SMCO2: variants seen among roughly 807,000 people sequenced by gnomAD.
SMCO2 encodes single-pass membrane protein with coiled-coil domains 2, also known as single-pass membrane and coiled-coil domain-containing protein 2.
Under a neutral mutation model 29.5 loss-of-function variants are expected in SMCO2, and 25 were observed. The observed-to-expected ratio is 0.85, with a 90% confidence interval of 0.62 to 1.18. SMCO2 has a LOEUF of 1.18. Among genes scored for constraint, SMCO2 ranks in the 50% most tolerant of loss-of-function variants. SMCO2 has a pLI of 0.00. For synonymous variants in SMCO2, 117 were observed against 123.3 expected (o/e 0.95, Z 0.34); for missense variants, 348 against 344.5 (o/e 1.01, Z -0.08).
At chr12:27,454,753 G>T in the SMCO2 span, among the ~76,000 whole-genome samples, 1 of 152,138 alleles carries the variant, frequency 6.6e-6, no homozygotes, top group East Asian at 1.9e-4. Context: ...GGGCCCCAGT[G>T]TGTGATGTTC....
the SMCO2 span, among the ~76,000 whole-genome samples, chr12:27,444,973 T>A: frequency 6.6e-6 from 1 of 152,144 alleles, no homozygotes; most frequent in Non-Finnish European, 1.5e-5. Flanking sequence ...AAAGAAAATG[T>A]GATATATATA....
the SMCO2 span, among the ~76,000 whole-genome samples, chr12:27,460,603 C>T: frequency 6.6e-6 from 1 of 151,982 alleles, no homozygotes; most frequent in Non-Finnish European, 1.5e-5. Flanking sequence ...GGGGGTTGGT[C>T]TTGCTGTCTC....
At chr12:27,478,129 G>C (rs1389338427) in intron 4 of SMCO2, among the ~76,000 whole-genome samples, 2 of 152,118 alleles carry the variant, frequency 1.3e-5, no homozygotes, top group Non-Finnish European at 2.9e-5. Flanking sequence ...TTTGATTATT[G>C]GTGGGTGGGC....
chr12:27,488,795 A>C (rs1013582914), intron 5 of SMCO2, among the ~76,000 whole-genome samples: 1 of 152,242 alleles, frequency 6.6e-6, no homozygotes, highest in African/African-American at 2.4e-5. Context: ...TGCCACCTTA[A>C]GATGAGTACC....
At chr12:27,436,724 G>A in the SMCO2 span, among the ~76,000 whole-genome samples, 3 of 152,120 alleles carry the variant, frequency 2.0e-5, no homozygotes, top group Admixed American at 6.6e-5. Context: ...GGAAAGCTCC[G>A]TCCACTGACC....
At chr12:27,459,111 C>T in the SMCO2 span, among the ~76,000 whole-genome samples, 13 of 149,066 alleles carry the variant, frequency 8.7e-5, no homozygotes, top group East Asian at 2.0e-4. Context: ...GGCATGAACC[C>T]GGGAAGTGGA....
intron 4 of SMCO2, among the ~76,000 whole-genome samples, chr12:27,485,680 C>G (rs1434254315): frequency 6.6e-6 from 1 of 152,104 alleles, no homozygotes; most frequent in Non-Finnish European, 1.5e-5. Flanking sequence ...CTCCTGACCT[C>G]AGGCAATCGG....
At chr12:27,491,371 T>C (rs1401788217) in intron 5 of SMCO2, among the ~76,000 whole-genome samples, 7 of 152,144 alleles carry the variant, frequency 4.6e-5, no homozygotes, top group Non-Finnish European at 1.0e-4. Context: ...TCCATGTGAA[T>C]TTCTGGGCTT....
the SMCO2 span, among the ~76,000 whole-genome samples, chr12:27,442,315 A>G: frequency 9.9e-5 from 15 of 152,146 alleles, no homozygotes; most frequent in African/African-American, 3.6e-4. Context: ...TTTAAAAAAG[A>G]GCAAGAGAAA....
rs139019836 is a variant in SMCO2, at chr12:27,501,364, C to T, written c.684-559C>T. Among the ~76,000 whole-genome samples the T allele has an allele frequency of 1.3e-3, 169 of 128,214 alleles. 5 individuals are homozygous for T. Among genetic ancestry groups the T allele is most frequent in the Middle Eastern group, 4.5e-3 (1 of 224 alleles). 84.1% of individuals were successfully genotyped at this position (128,214 alleles called of 152,430 possible). ...CCAAGAGGCAGAGCTTGCAGTGAGC[C>T]GGGATAGCGCCACTGCAGTCCAGCT... On this transcript the variant is annotated intron_variant, in intron 7 of 7. Transcript: ENST00000298876.
At chr12:27,455,521 A>T in the SMCO2 span, among the ~76,000 whole-genome samples, 1 of 152,182 alleles carries the variant, frequency 6.6e-6, no homozygotes, top group African/African-American at 2.4e-5. Context: ...TATCTTTTTG[A>T]TCAACTTTAC....
At chr12:27,435,110 C>T in the SMCO2 span, among the ~76,000 whole-genome samples, 1 of 152,024 alleles carries the variant, frequency 6.6e-6, no homozygotes, top group Non-Finnish European at 1.5e-5. Context: ...CTTCAGTTTT[C>T]AGATGACAGT....
At chr12:27,484,872 ATAT>A (rs1271999870) in intron 4 of SMCO2, among the ~76,000 whole-genome samples, 710 of 69,214 alleles carry the variant, frequency 0.01, 15 homozygotes, top group African/African-American at 0.042. Flanking sequence ...AAAAAAAAAA[ATAT>A]ATATATATAT....
At chr12:27,471,905 A>G (rs151199459) in intron 2 of SMCO2, among the ~76,000 whole-genome samples, 4 of 152,336 alleles carry the variant, frequency 2.6e-5, no homozygotes, top group Non-Finnish European at 4.4e-5. Context: ...ATACATATCT[A>G]TTGACCTAGA....
chr12:27,460,617 G>A, the SMCO2 span, among the ~76,000 whole-genome samples: 2 of 152,220 alleles, frequency 1.3e-5, no homozygotes, highest in South Asian at 4.2e-4. Context: ...CTGTCTCAGG[G>A]GTGGCAGAGG....
intron 7 of SMCO2, among the ~76,000 whole-genome samples, chr12:27,501,430 A>G (rs201472991): frequency 1.4e-5 from 2 of 145,218 alleles, no homozygotes; most frequent in East Asian, 4.0e-4. Flanking sequence ...AAAAAAAAAA[A>G]AAAAAAACAA....
chr12:27,470,570 G>A, intron 1 of SMCO2, 52 bp from the exon 2 acceptor site: 1 of 1,530,122 alleles, frequency 6.5e-7, no homozygotes, highest in South Asian at 1.2e-5. Flanking sequence ...AAGAGGATGT[G>A]GTTGCCATTT....
chr12:27,495,693 A>T, exon 7 of SMCO2: 1 of 1,474,474 alleles, frequency 6.8e-7, no homozygotes. Flanking sequence ...CTTTGCAAGA[A>T]TGTGGAACTG....
intron 4 of SMCO2, among the ~76,000 whole-genome samples, chr12:27,475,292 AT>A (rs1949575714): frequency 6.6e-6 from 1 of 152,122 alleles, no homozygotes; most frequent in South Asian, 2.1e-4. Context: ...TGTAACCACT[AT>A]CTTAATATCA....
Sources: allele counts gnomAD v4.1 joint callset (sites outside exome capture counted in the v4.1 genomes callset), GRCh38; gene constraint gnomAD v4.1.1; transcripts MANE v1.5; gene names NCBI Gene and HGNC (gene_info 2026-07-23, HGNC 2026-07-21).